The following B4GALNT2 variants were observed in gnomAD, a reference collection of about 807,000 sequenced individuals.
The protein encoded by B4GALNT2 is N-acetylneuraminylgalactosylglucosyl-glucoside beta-1,4-N- acetylgalactosaminyltransferase 2.
In B4GALNT2, 42 loss-of-function variants were observed where a neutral mutation model predicts 51.1. The observed-to-expected ratio is 0.82, with a 90% confidence interval of 0.64 to 1.06. B4GALNT2 has a LOEUF of 1.06. Among genes scored for constraint, B4GALNT2 ranks in the 50% least tolerant of loss-of-function variants. The probability of loss-of-function intolerance (pLI) is 0.00; values close to 1 mark genes in which losing one functional copy is unlikely to be tolerated. For missense variants in B4GALNT2, 602 were observed against 633.6 expected (o/e 0.95, Z 0.54); for synonymous variants, 253 against 251.7 (o/e 1.01, Z -0.05).
At chr17:49,156,475 A>T in intron 4 of B4GALNT2, 91 bp from the exon 5 acceptor site, 1 of 1,371,748 alleles carries the variant, frequency 7.3e-7, no homozygotes, top group Non-Finnish European at 1.0e-6. Context: ...GCTCTCAAGG[A>T]TGTGCAGGAG....
At chr17:49,120,496 G>C in the B4GALNT2 span, among the ~76,000 whole-genome samples, 4 of 151,370 alleles carry the variant, frequency 2.6e-5, no homozygotes, top group Admixed American at 6.6e-5. Context: ...GTGTGTGTGT[G>C]TGTGTGTGTG....
At chr17:49,155,284 T>G (rs2042797932) in intron 4 of B4GALNT2, among the ~76,000 whole-genome samples, 2 of 113,166 alleles carry the variant, frequency 1.8e-5, no homozygotes, top group African/African-American at 3.6e-5. Context: ...GATGACAGAG[T>G]GAGATTCAGT....
intron 2 of B4GALNT2, 103 bp from the exon 3 acceptor site, chr17:49,141,924 TAGGAAAGA>T: frequency 1.4e-6 from 2 of 1,392,484 alleles, no homozygotes; most frequent in Admixed American, 1.8e-5. Context: ...CAGTTGGGTG[TAGGAAAGA>T]AGATTTTCAG....
chr17:49,155,474 C>T (rs1285829183), intron 4 of B4GALNT2, among the ~76,000 whole-genome samples: 1 of 150,536 alleles, frequency 6.6e-6, no homozygotes, highest in Non-Finnish European at 1.5e-5. Context: ...TGGTGGCTCA[C>T]ACCTGTAGTC....
rs1260830345 is a variant in B4GALNT2, at chr17:49,175,201, A to G, written c.*5473A>G. On this transcript the variant is annotated 3_prime_UTR_variant, in exon 11 of 11. Coordinates refer to ENST00000393354, the MANE Select transcript of B4GALNT2 (RefSeq NM_001159387.2). The stretch of plus-strand genomic sequence containing the variant: ...GCTCCTGTATCTACCAAACCTTTAA[A>G]TTTCTTTCCCTGAATAGTTATTTCA... The G allele has an allele frequency of 6.6e-6, 1 of 152,134 alleles. No homozygotes were observed. The highest frequency in any genetic ancestry group is 6.6e-5 in the Admixed American group (1 of 15,258). The allele number at this position is 152,134 out of a possible 1,614,324, so 9.4% of individuals were successfully genotyped here.
chr17:49,132,666 G>C (rs531959410), upstream of B4GALNT2: 1 of 1,180,080 alleles, frequency 8.5e-7, no homozygotes. Flanking sequence ...GGCGGGGGCC[G>C]TCCCAAGCGT....
At position 49,173,066 on chromosome 17, in the gene B4GALNT2, CT is replaced by C. The variant is rs1183746499; in HGVS notation, c.*3339del. On this transcript the variant is annotated 3_prime_UTR_variant, in exon 11 of 11. Coordinates refer to ENST00000393354, the MANE Select transcript of B4GALNT2 (RefSeq NM_001159387.2). ...AACATAGGTTAAATTGTGAAAGTGT[CT>C]AGCGTTAGATATTGCATTAGCAACT... 6.6e-6 allele frequency: 1 copy of C among 152,192 alleles called. No individual in the cohort carries two copies. The highest frequency in any genetic ancestry group is 1.5e-5 in the Non-Finnish European group (1 of 68,046). 9.4% of individuals were successfully genotyped at this position (152,192 alleles called of 1,614,324 possible).
At position 49,171,767 on chromosome 17, in the gene B4GALNT2, G is replaced by T. The variant is rs550132122; in HGVS notation, c.*2039G>T. 155 of 425,316 alleles carry T rather than the reference G, an allele frequency of 3.6e-4. No individual in the cohort carries two copies. The highest frequency in any genetic ancestry group is 3.1e-3 in the African/African-American group (147 of 48,020). 26.3% of individuals were successfully genotyped at this position (425,316 alleles called of 1,614,324 possible). A position where few individuals can be genotyped will look rare whatever the true frequency, so the allele number is the denominator to read the frequency against. On this transcript the variant is annotated 3_prime_UTR_variant, in exon 11 of 11. Coordinates refer to ENST00000393354, the MANE Select transcript of B4GALNT2 (RefSeq NM_001159387.2). Reference sequence around the variant, plus strand: ...CAATAATGATTCCATAGGAATCGTTGTGCAGCACCTCTACCTGTTCTGCAA... The same window carrying T: ...CAATAATGATTCCATAGGAATCGTTTTGCAGCACCTCTACCTGTTCTGCAA...
intron 1 of B4GALNT2, among the ~76,000 whole-genome samples, chr17:49,140,730 T>TTC (rs1555610343): frequency 1.3e-5 from 2 of 150,422 alleles, no homozygotes; most frequent in Non-Finnish European, 3.0e-5. Context: ...CTAACCTTTT[T>TTC]TTTTTTTTTT....
chr17:49,164,204 G>C lies in B4GALNT2; in HGVS notation c.883G>C (p.Ala295Pro). The stretch of plus-strand genomic sequence containing the variant: ...TTACCCAGACTTGACCGTAATAGTG[G>C]CTGATGACAGCCAGAAGCCCCTGGA... ...EYYPDLTVIVADDSQKPLEIK... is the reference protein window; with the variant it reads ...EYYPDLTVIVPDDSQKPLEIK... The change falls in exon 8 of 11, where the codon GCT becomes CCT. Residue 295 changes from alanine (A) to proline (P), a missense_variant. By Grantham distance (27) the Ala-to-Pro change is conservative. Transcript: ENST00000393354. 6.2e-7 allele frequency: 1 copy of C among 1,613,788 alleles called. No homozygotes were observed. Among genetic ancestry groups the C allele is most frequent in the East Asian group, 2.2e-5 (1 of 44,872 alleles).
chr17:49,164,251 G>A lies in B4GALNT2; in HGVS notation c.930G>A (p.Glu310=), dbSNP rs764591341. 6.2e-7 allele frequency: 1 copy of A among 1,613,072 alleles called. No individual in the cohort carries two copies. Among genetic ancestry groups the A allele is most frequent in the South Asian group, 1.1e-5 (1 of 91,072 alleles). The stretch of plus-strand genomic sequence containing the variant: ...TGGAAATTAAAGACAATCACGTGGA[G>A]TATTACACTATGCCCTTTGGGAAGG... The part of the protein sequence containing the change: ...KPLEIKDNHV[E]YYTMPFGKGW... Residue 310 remains glutamate, a synonymous_variant, in exon 8 of 11, where the codon GAG becomes GAA. Coordinates refer to ENST00000393354, the MANE Select transcript of B4GALNT2 (RefSeq NM_001159387.2).
At chr17:49,157,026 C>T (rs2042817063) in intron 5 of B4GALNT2, among the ~76,000 whole-genome samples, 1 of 152,194 alleles carries the variant, frequency 6.6e-6, no homozygotes, top group South Asian at 2.1e-4. Flanking sequence ...TGCCCAGAAC[C>T]CTAACCAAGA....
chr17:49,167,367 C>A (rs1191557462), intron 9 of B4GALNT2, among the ~76,000 whole-genome samples: 1 of 152,188 alleles, frequency 6.6e-6, no homozygotes, highest in Admixed American at 6.6e-5. Flanking sequence ...AAATCATACC[C>A]CTTCAGCCAA....
intron 8 of B4GALNT2, among the ~76,000 whole-genome samples, chr17:49,165,253 TCTCTC>T (rs2042900432): frequency 6.6e-6 from 1 of 151,500 alleles, no homozygotes; most frequent in Non-Finnish European, 1.5e-5. Context: ...TCTTGGTCTC[TCTCTC>T]CTCTTTCCCT....
chr17:49,143,304 A>AAAAAC (rs1182131798), intron 3 of B4GALNT2, among the ~76,000 whole-genome samples: 3 of 152,084 alleles, frequency 2.0e-5, no homozygotes, highest in East Asian at 3.9e-4. Flanking sequence ...ACAAAAACAA[A>AAAAAC]AAAACAAAAA....
intron 1 of B4GALNT2, among the ~76,000 whole-genome samples, chr17:49,137,164 A>C (rs2042598711): frequency 6.6e-6 from 1 of 152,294 alleles, no homozygotes; most frequent in African/African-American, 2.4e-5. Context: ...TAAAAATTAC[A>C]AGCTGTTCAG....
the B4GALNT2 span, among the ~76,000 whole-genome samples, chr17:49,126,651 T>TTTC: frequency 3.3e-5 from 1 of 30,728 alleles, no homozygotes; most frequent in African/African-American, 1.2e-4. Flanking sequence ...TCTTTCTTTC[T>TTTC]TTTTTTTTTT....
Position 49,152,169 on chromosome 17 carries a change from C to T in B4GALNT2, c.354-631C>T, listed in dbSNP as rs1330056237. 5.9e-5 allele frequency among the ~76,000 whole-genome samples: 9 copies of T among 151,718 alleles called. No homozygotes were observed. In the South Asian group the frequency reaches 8.3e-4, roughly 14 times the overall value. On this transcript the variant is annotated intron_variant, in intron 3 of 10. Coordinates refer to ENST00000393354, the MANE Select transcript of B4GALNT2 (RefSeq NM_001159387.2). The stretch of plus-strand genomic sequence containing the variant: ...AGGCAGGAGGATTGCTTGAGCCCAG[C>T]GGTTGGAGACCAGCCTGGGCAACAT...
intron 1 of B4GALNT2, 125 bp downstream of exon 1, chr17:49,132,931 G>C (rs2042552810): frequency 7.2e-7 from 1 of 1,379,864 alleles, no homozygotes; most frequent in Non-Finnish European, 9.4e-7. Context: ...GCCAGGGAGC[G>C]GGCGGTTGGA....
Sources: gnomAD v4.1 joint callset for allele counts (sites outside exome capture counted in the v4.1 genomes callset) on GRCh38, gnomAD v4.1.1 for gene constraint, MANE v1.5 for transcripts, NCBI Gene and HGNC (gene_info 2026-07-23, HGNC 2026-07-21) for gene names.